TFEC: variants seen among roughly 807,000 people sequenced by gnomAD.
TFEC encodes the protein class E basic helix-loop-helix protein 34.
A neutral mutation model predicts 41.6 loss-of-function variants in TFEC; 31 were observed. The observed-to-expected ratio is 0.74, with a 90% CI of 0.56 to 1.01. TFEC has a LOEUF of 1.01. Among genes scored for constraint, TFEC ranks in the 50% least tolerant of loss-of-function variants. The probability of loss-of-function intolerance (pLI) is 0.00; values close to 1 mark genes in which losing one functional copy is unlikely to be tolerated. For missense variants in TFEC, 402 were observed against 404.1 expected, an observed-to-expected ratio of 0.99 and a Z score of 0.04; for synonymous variants, 143 against 140.6, an observed-to-expected ratio of 1.02 and a Z score of -0.12.
chr7:115,941,489 T>A (rs1007305649), intron 7 of TFEC: 1 of 185,188 alleles, frequency 5.4e-6, no homozygotes, highest in East Asian at 1.3e-4. Context: ...GAGAATTTAA[T>A]GTCCAATATA....
rs114537659 is a variant in TFEC, at chr7:115,984,568, G to A, written c.-72-55C>T. The stretch of plus-strand genomic sequence containing the variant: ...GTGCAGCATCAGCTGTGAAATTAGA[G>A]TTCTCCTTTCCACAATTGCACTAGG... On this transcript the variant is annotated intron_variant, in intron 1 of 7. Coordinates refer to ENST00000265440, the MANE Select transcript of TFEC (RefSeq NM_012252.4). 1.2e-4 allele frequency: 192 copies of A among 1,569,256 alleles called. No homozygotes were observed. In the African/African-American group the frequency reaches 2.3e-3, roughly 19 times the overall value.
chr7:116,102,838 G>A (rs1168446835), intron 3 of TFEC, among the ~76,000 whole-genome samples: 2 of 152,150 alleles, frequency 1.3e-5, no homozygotes, highest in Non-Finnish European at 2.9e-5. Context: ...TAGCTCAGAG[G>A]AGGGCTATAA....
intron 3 of TFEC, among the ~76,000 whole-genome samples, chr7:115,957,397 C>T (rs977901914): frequency 6.6e-6 from 1 of 151,800 alleles, no homozygotes; most frequent in Non-Finnish European, 1.5e-5. Flanking sequence ...TCTAAAACTA[C>T]TTTTGCCTCT....
chr7:116,088,989 T>C (rs1196818141), intron 3 of TFEC, among the ~76,000 whole-genome samples: 1 of 152,038 alleles, frequency 6.6e-6, no homozygotes, highest in East Asian at 1.9e-4. Flanking sequence ...GACAAGTTGC[T>C]TACTCCCTCC....
At chr7:115,945,432 A>G (rs1390669236) in intron 6 of TFEC, among the ~76,000 whole-genome samples, 3 of 151,600 alleles carry the variant, frequency 2.0e-5, no homozygotes, top group African/African-American at 7.3e-5. Context: ...TCTGGATTCA[A>G]TCATGGGACC....
intron 4 of TFEC, among the ~76,000 whole-genome samples, chr7:115,955,242 T>C (rs1457147174): frequency 1.3e-5 from 2 of 152,056 alleles, no homozygotes; most frequent in African/African-American, 2.4e-5. Context: ...TCTTAATTTG[T>C]AGTATTCACA....
intron 3 of TFEC, among the ~76,000 whole-genome samples, chr7:115,964,127 T>C (rs917254532): frequency 6.6e-6 from 1 of 151,588 alleles, no homozygotes; most frequent in African/African-American, 2.4e-5. Flanking sequence ...AATTTGCCAT[T>C]GATTGTAAAT....
chr7:116,056,563 A>G (rs1343569498), intron 3 of TFEC, among the ~76,000 whole-genome samples: 2 of 152,124 alleles, frequency 1.3e-5, no homozygotes, highest in African/African-American at 4.8e-5. Context: ...AAATCACATA[A>G]TTCATGGCAT....
At chr7:116,049,830 C>T (rs1347687185) in intron 3 of TFEC, among the ~76,000 whole-genome samples, 1 of 152,174 alleles carries the variant, frequency 6.6e-6, no homozygotes, top group African/African-American at 2.4e-5. Context: ...GAAACTCACT[C>T]AAAACCACAC....
intron 3 of TFEC, among the ~76,000 whole-genome samples, chr7:116,052,513 C>A (rs971389159): frequency 6.6e-6 from 1 of 152,050 alleles, no homozygotes; most frequent in Admixed American, 6.5e-5. Flanking sequence ...ACTGCAACCT[C>A]CAGCTCCCGG....
intron 6 of TFEC, among the ~76,000 whole-genome samples, chr7:115,949,819 G>A (rs1248537388): frequency 3.3e-5 from 5 of 152,068 alleles, no homozygotes; most frequent in Admixed American, 1.3e-4. Flanking sequence ...AACACCAAAA[G>A]CAATGGCAAC....
intron 3 of TFEC, among the ~76,000 whole-genome samples, chr7:116,092,984 A>G (rs1035450652): frequency 6.6e-6 from 1 of 152,184 alleles, no homozygotes; most frequent in Admixed American, 6.6e-5. Context: ...AATTTAAACC[A>G]GTTTAAAGGA....
At chr7:116,084,225 C>A (rs988981627) in intron 3 of TFEC, among the ~76,000 whole-genome samples, 4 of 151,864 alleles carry the variant, frequency 2.6e-5, no homozygotes, top group African/African-American at 9.7e-5. Context: ...AGCATCTTTT[C>A]AAGCTTTGCC....
chr7:116,125,538 T>G (rs1798191722), intron 1 of TFEC, among the ~76,000 whole-genome samples: 2 of 152,190 alleles, frequency 1.3e-5, no homozygotes, highest in African/African-American at 4.8e-5. Flanking sequence ...CATGAATTGG[T>G]CTTGAATAAG....
intron 1 of TFEC, among the ~76,000 whole-genome samples, chr7:116,122,713 G>A (rs1798132100): frequency 6.6e-6 from 1 of 152,096 alleles, no homozygotes; most frequent in African/African-American, 2.4e-5. Flanking sequence ...AGCAGAAGAT[G>A]AGGTTCTAGG....
intron 1 of TFEC, among the ~76,000 whole-genome samples, chr7:116,007,404 A>T (rs1456030367): frequency 6.6e-6 from 1 of 152,202 alleles, no homozygotes; most frequent in Non-Finnish European, 1.5e-5. Context: ...AATGTTATTA[A>T]CTTACCTATT....
intron 3 of TFEC, among the ~76,000 whole-genome samples, chr7:115,963,408 CAT>C (rs536021336): frequency 7.9e-5 from 12 of 151,700 alleles, no homozygotes; most frequent in Non-Finnish European, 1.6e-4. Context: ...ATAGAATTAA[CAT>C]ATGATCCAGT....
intron 1 of TFEC, among the ~76,000 whole-genome samples, chr7:115,998,967 A>G (rs1794479477): frequency 6.6e-6 from 1 of 152,062 alleles, no homozygotes; most frequent in South Asian, 2.1e-4. Context: ...CTTAATCTGA[A>G]CTATAAACCA....
chr7:116,035,493 C>A (rs1336882632), upstream of TFEC, among the ~76,000 whole-genome samples: 1 of 151,902 alleles, frequency 6.6e-6, no homozygotes, highest in Non-Finnish European at 1.5e-5. Flanking sequence ...GTTGCAAAGT[C>A]AATATAATAT....
Sources: gnomAD v4.1 joint callset for allele counts (sites outside exome capture counted in the v4.1 genomes callset) on GRCh38, gnomAD v4.1.1 for gene constraint, MANE v1.5 for transcripts, NCBI Gene and HGNC (gene_info 2026-07-23, HGNC 2026-07-21) for gene names.